Variants in MTA3 observed in about 807,000 individuals in gnomAD.
The protein encoded by MTA3 is metastasis-associated protein MTA3.
A neutral mutation model predicts 83.5 loss-of-function variants in MTA3; 34 were observed. The ratio of observed to expected loss-of-function variants is 0.41; its 90% CI spans 0.31 to 0.54. The LOEUF (loss-of-function observed/expected upper bound fraction) is 0.54, where lower values mean the gene tolerates loss of function less well. MTA3 is among the 20% of genes least tolerant of loss of function. The probability of loss-of-function intolerance (pLI) is 0.33; values close to 1 mark genes in which losing one functional copy is unlikely to be tolerated. For missense variants in MTA3, 761 were observed against 726.4 expected, an observed-to-expected ratio of 1.05 and a Z score of -0.55; for synonymous variants, 303 against 252.7, an observed-to-expected ratio of 1.20 and a Z score of -1.89.
intron 2 of MTA3, among the ~76,000 whole-genome samples, chr2:42,529,342 C>A (rs1675855402): frequency 1.3e-5 from 2 of 152,094 alleles, no homozygotes; most frequent in South Asian, 4.1e-4. Flanking sequence ...GTTTGAAGAC[C>A]ACTGTTCTAG....
intron 2 of MTA3, among the ~76,000 whole-genome samples, chr2:42,515,028 GTTTATTTTAT>G (rs1277578639): frequency 1.5e-4 from 23 of 151,594 alleles, no homozygotes; most frequent in African/African-American, 5.5e-4. Flanking sequence ...GTATGCCTGT[GTTTATTTTAT>G]TTTATTTTAT....
intron 4 of MTA3, among the ~76,000 whole-genome samples, chr2:42,638,046 TA>T (rs1286464402): frequency 1.3e-5 from 2 of 152,048 alleles, no homozygotes; most frequent in East Asian, 1.9e-4. Context: ...TGACTAGCCT[TA>T]AAAAAAAGTA....
At chr2:42,527,406 T>A (rs1254265694) in intron 2 of MTA3, among the ~76,000 whole-genome samples, 1 of 152,206 alleles carries the variant, frequency 6.6e-6, no homozygotes, top group African/African-American at 2.4e-5. Flanking sequence ...TCTTTTATAG[T>A]GAAGGCCGCA....
intron 6 of MTA3, among the ~76,000 whole-genome samples, chr2:42,654,567 T>C (rs2104354129): frequency 6.6e-6 from 1 of 152,342 alleles, no homozygotes; most frequent in South Asian, 2.1e-4. Flanking sequence ...TTGTGAGACA[T>C]TCTAAAGCAA....
intron 2 of MTA3, among the ~76,000 whole-genome samples, chr2:42,577,793 C>G (rs1379983476): frequency 1.3e-5 from 2 of 152,158 alleles, no homozygotes; most frequent in Middle Eastern, 3.4e-3. Flanking sequence ...TTTTTAATGT[C>G]TCAAGAAGAG....
Position 42,604,569 on chromosome 2 carries a change from CT to C in MTA3, c.191-4885del, listed in dbSNP as rs1323312162. On this transcript the variant is annotated intron_variant, in intron 3 of 16. Transcript: ENST00000405094. ...CTTACTTGGTCTGCTCTGAATGTTT[CT>C]TTTCTTTTTTTTTTTTTTTAATTTA... is the stretch of plus-strand genomic sequence containing the variant. Among the ~76,000 whole-genome samples the C allele has an allele frequency of 4.5e-3, 216 of 47,478 alleles. 1 individual carries two copies. Among genetic ancestry groups the C allele is most frequent in the African/African-American group, 7.3e-3 (45 of 6,206 alleles). The allele number at this position is 47,478 out of a possible 152,430, so 31.1% of individuals were successfully genotyped here.
chr2:42,746,734 A>T (rs985093768), intron 16 of MTA3, among the ~76,000 whole-genome samples: 4 of 152,246 alleles, frequency 2.6e-5, no homozygotes, highest in African/African-American at 9.6e-5. Flanking sequence ...ATTATGCCAA[A>T]TACAGATGCA....
intron 4 of MTA3, among the ~76,000 whole-genome samples, chr2:42,610,854 A>G (rs922126564): frequency 6.6e-6 from 1 of 152,054 alleles, no homozygotes; most frequent in Non-Finnish European, 1.5e-5. Flanking sequence ...CACTCCTCTT[A>G]GGTTAAAGAA....
chr2:42,737,195 A>G (rs1261291743), intron 16 of MTA3, among the ~76,000 whole-genome samples: 1 of 152,156 alleles, frequency 6.6e-6, no homozygotes, highest in Non-Finnish European at 1.5e-5. Context: ...CAGCACCAGG[A>G]TTTGCCTAGG....
In MTA3 at chr2:42,535,620, G is replaced by T. The variant is rs116520992; in HGVS notation, c.-140-34817G>T. ...AGAAGTTGGTCAGATGGTATATCTA[G>T]CTTCTAGAGAGGGTGGGAAGTGCCT... On this transcript the variant is annotated intron_variant, in intron 2 of 17. Coordinates refer to the MTA3 transcript ENST00000405592. 7.0e-3 allele frequency among the ~76,000 whole-genome samples: 1,072 copies of T among 152,326 alleles called. 13 individuals are homozygous for T. Among genetic ancestry groups the T allele is most frequent in the East Asian group, 0.027 (138 of 5,180 alleles).
At chr2:42,578,403 A>G (rs147998851) in intron 2 of MTA3, among the ~76,000 whole-genome samples, 132 of 152,328 alleles carry the variant, frequency 8.7e-4, no homozygotes, top group African/African-American at 3.0e-3. Flanking sequence ...TATTGTTTGC[A>G]TTGTAGATTG....
In MTA3 at chr2:42,701,596, C is replaced by CA. The variant is rs576441438; in HGVS notation, c.1026-2590dup. On this transcript the variant is annotated intron_variant, in intron 11 of 16. Transcript: ENST00000405094. ...TGGGTGACAGAGTGAGACCCTCTCTCAAAAAAAAGAAAAATGTCTTTTAAA... is the reference window on the plus strand; with the variant it reads ...TGGGTGACAGAGTGAGACCCTCTCTCAAAAAAAAAGAAAAATGTCTTTTAAA... Among the ~76,000 whole-genome samples, 431 of 151,392 alleles carry CA rather than the reference C, an allele frequency of 2.8e-3. 4 individuals carry two copies. The highest frequency in any genetic ancestry group is 9.6e-3 in the African/African-American group (395 of 41,292).
intron 3 of MTA3, among the ~76,000 whole-genome samples, chr2:42,602,874 C>T (rs896074258): frequency 1.3e-5 from 2 of 152,170 alleles, no homozygotes; most frequent in African/African-American, 4.8e-5. Context: ...CCTTTCCCTT[C>T]TGGTGTCCGT....
In MTA3 at chr2:42,659,778, C is replaced by T; in HGVS notation, c.618C>T (p.Phe206=). Residue 206 remains phenylalanine (F), a synonymous_variant, in exon 8 of 17, where the codon TTC becomes TTT. Coordinates refer to ENST00000405094, the MANE Select transcript of MTA3 (RefSeq NM_001330442.2). ...FLVVARAVGT[F]ARALDCSSSV... is the part of the protein sequence containing the mutation. ...GTTTATTCAGTGCTGTTGGGACATT[C>T]GCCAGAGCCCTGGATTGCAGCAGTT... is the stretch of plus-strand genomic sequence containing the variant. 8.1e-6 allele frequency: 13 copies of T among 1,599,076 alleles called. No homozygotes were observed. Among genetic ancestry groups the T allele is most frequent in the East Asian group, 2.3e-5 (1 of 43,684 alleles).
At chr2:42,565,985 G>T (rs1266050359), upstream of MTA3, among the ~76,000 whole-genome samples, 1 of 152,048 alleles carries the variant, frequency 6.6e-6, no homozygotes, top group Admixed American at 6.6e-5. Context: ...CTCCAGCCTG[G>T]GCAGCGAGAG....
chr2:42,581,157 A>G (rs941944156), intron 3 of MTA3, among the ~76,000 whole-genome samples: 2 of 152,176 alleles, frequency 1.3e-5, no homozygotes, highest in African/African-American at 4.8e-5. Flanking sequence ...GACATGTAAA[A>G]CAAAAAAGTG....
At chr2:42,501,888 G>C (rs944234357) in intron 2 of MTA3, among the ~76,000 whole-genome samples, 2 of 152,148 alleles carry the variant, frequency 1.3e-5, no homozygotes, top group Admixed American at 1.3e-4. Context: ...TAAGGCAGGA[G>C]AATCACTTGA....
chr2:42,560,646 T>C (rs1157328970), intron 2 of MTA3, among the ~76,000 whole-genome samples: 1 of 151,120 alleles, frequency 6.6e-6, no homozygotes, highest in Non-Finnish European at 1.5e-5. Flanking sequence ...GGCTCACACC[T>C]GTAATCACAG....
chr2:42,584,545 ATT>A (rs1198657262), intron 3 of MTA3, among the ~76,000 whole-genome samples: 3 of 145,168 alleles, frequency 2.1e-5, no homozygotes, highest in Non-Finnish European at 1.5e-5. Flanking sequence ...ACTTCAGTGT[ATT>A]TTTTTTTTTT....
Sources: gnomAD v4.1 joint callset for allele counts (sites outside exome capture counted in the v4.1 genomes callset) on GRCh38, gnomAD v4.1.1 for gene constraint, MANE v1.5 for transcripts, NCBI Gene and HGNC (gene_info 2026-07-23, HGNC 2026-07-21) for gene names.